The following PRKAR1B variants were observed in gnomAD, a reference collection of about 807,000 sequenced individuals.
PRKAR1B encodes protein kinase cAMP-dependent type I regulatory subunit beta, also known as cAMP-dependent protein kinase type I-beta regulatory subunit.
A neutral mutation model predicts 46.5 loss-of-function variants in PRKAR1B; 22 were observed. The ratio of observed to expected loss-of-function variants is 0.47; its 90% confidence interval spans 0.34 to 0.68. The LOEUF (loss-of-function observed/expected upper bound fraction) is 0.68. Among genes scored for constraint, PRKAR1B ranks in the 30% least tolerant of loss-of-function variants. PRKAR1B has a pLI of 0.01. For synonymous variants in PRKAR1B, 259 were observed against 217.7 expected (o/e 1.19, Z -1.67); for missense variants, 445 against 535.6 (o/e 0.83, Z 1.67).
At chr7:645,399 C>G (rs1784573274) in intron 4 of PRKAR1B, among the ~76,000 whole-genome samples, 4 of 152,154 alleles carry the variant, frequency 2.6e-5, no homozygotes, top group Admixed American at 2.6e-4. Flanking sequence ...GCCTGTAATC[C>G]CAGCACTTTG....
chr7:640,297 C>A (rs1268448685), intron 4 of PRKAR1B, among the ~76,000 whole-genome samples: 7 of 152,052 alleles, frequency 4.6e-5, no homozygotes, highest in Non-Finnish European at 7.4e-5. Context: ...TGGTAAAGGA[C>A]TTGTATCCAG....
intron 4 of PRKAR1B, among the ~76,000 whole-genome samples, chr7:651,593 G>A (rs1360507423): frequency 6.6e-6 from 1 of 152,162 alleles, no homozygotes; most frequent in African/African-American, 2.4e-5. Flanking sequence ...CACAGTGCTA[G>A]GAACCTGGGA....
rs763122625 is a variant in PRKAR1B, at chr7:584,538, C to G, written c.739G>C (p.Glu247Gln). The change falls in exon 8 of 11, where the codon GAG (glutamate) becomes CAG (glutamine). Residue 247 changes from glutamate to glutamine, a missense_variant. Glu to Gln is a conservative substitution (Grantham distance 29). Coordinates refer to ENST00000537384, the MANE Select transcript of PRKAR1B (RefSeq NM_001164760.2). The stretch of plus-strand genomic sequence containing the variant: ...ATGGAGACCTTGCTGAGGAACTCCT[C>G]GTACATCTTGCGTTTCCTCAGCGTG... ...GSTLRKRKMY[E>Q]EFLSKVSILE... is the part of the protein sequence containing the mutation. 6.2e-5 allele frequency: 100 copies of G among 1,613,772 alleles called. No individual in the cohort carries two copies. The highest frequency in any genetic ancestry group is 8.3e-5 in the Non-Finnish European group (98 of 1,179,984).
At chr7:645,429 T>C (rs1037691060) in intron 4 of PRKAR1B, among the ~76,000 whole-genome samples, 3 of 152,118 alleles carry the variant, frequency 2.0e-5, no homozygotes, top group African/African-American at 4.8e-5. Flanking sequence ...GGCAGGAGGA[T>C]TGCTTGAGCC....
At chr7:648,960 T>G (rs925529244) in intron 4 of PRKAR1B, among the ~76,000 whole-genome samples, 8 of 152,098 alleles carry the variant, frequency 5.3e-5, no homozygotes, top group African/African-American at 1.9e-4. Context: ...GGTCAGGGGT[T>G]CAAGGCCAGC....
intron 4 of PRKAR1B, among the ~76,000 whole-genome samples, chr7:651,721 G>C (rs1278791291): frequency 9.7e-4 from 121 of 124,596 alleles, no homozygotes; most frequent in Non-Finnish European, 1.6e-3. Context: ...CCTCTCGGAA[G>C]ACAGTTCACA....
chr7:726,235 C>T (rs986435438), intron 1 of PRKAR1B, among the ~76,000 whole-genome samples: 1 of 152,240 alleles, frequency 6.6e-6, no homozygotes, highest in East Asian at 1.9e-4. Flanking sequence ...GAAGCCCAGA[C>T]CAGGCACCTG....
At chr7:577,040 C>T (rs559746857) in intron 9 of PRKAR1B, among the ~76,000 whole-genome samples, 100 of 136,666 alleles carry the variant, frequency 7.3e-4, no homozygotes, top group Middle Eastern at 4.0e-3. Flanking sequence ...ATCAGCGGCC[C>T]CGTCCAACTC....
chr7:718,295 C>CACACAT (rs1178802508), intron 1 of PRKAR1B, among the ~76,000 whole-genome samples: 12 of 135,698 alleles, frequency 8.8e-5, no homozygotes, highest in African/African-American at 3.0e-4. Flanking sequence ...CACACACACA[C>CACACAT]ATACACATAT....
At chr7:580,312 G>C (rs1780099789) in intron 8 of PRKAR1B, among the ~76,000 whole-genome samples, 1 of 151,830 alleles carries the variant, frequency 6.6e-6, no homozygotes, top group South Asian at 2.1e-4. Context: ...CCAGCACTTT[G>C]GGAGGCTGAG....
intron 2 of PRKAR1B, among the ~76,000 whole-genome samples, chr7:696,131 C>T (rs1379600471): frequency 1.3e-5 from 2 of 150,780 alleles, no homozygotes; most frequent in East Asian, 3.9e-4. Context: ...CACCAGTATG[C>T]CTGGCTAAAT....
At chr7:567,412 TCATCATCAC>T (rs963521198) in intron 9 of PRKAR1B, among the ~76,000 whole-genome samples, 10 of 142,658 alleles carry the variant, frequency 7.0e-5, no homozygotes, top group South Asian at 4.6e-4. Context: ...ATCACCTCCA[TCATCATCAC>T]CATCATCACC....
At chr7:688,232 C>T (rs1161777661) in intron 2 of PRKAR1B, among the ~76,000 whole-genome samples, 1 of 151,840 alleles carries the variant, frequency 6.6e-6, no homozygotes, top group Non-Finnish European at 1.5e-5. Context: ...AAAACCCCAT[C>T]TCTACTAGAA....
chr7:561,676 C>T (rs367743778), intron 9 of PRKAR1B, among the ~76,000 whole-genome samples: 6 of 152,370 alleles, frequency 3.9e-5, no homozygotes, highest in East Asian at 1.9e-4. Flanking sequence ...AAACTGTCCT[C>T]GGGACGACAG....
rs1225445629 is a variant in PRKAR1B, at chr7:580,761, A to C, written c.770-1384T>G. On this transcript the variant is annotated intron_variant, in intron 8 of 10. Coordinates refer to ENST00000537384, the MANE Select transcript of PRKAR1B (RefSeq NM_001164760.2). The stretch of plus-strand genomic sequence containing the variant: ...TTTTTTGACAAAAAAAAAAAAAAAA[A>C]AACAAACGTTTCCTGGCCTATACAA... 3.6e-4 allele frequency among the ~76,000 whole-genome samples: 54 copies of C among 148,644 alleles called. No individual in the cohort carries two copies. In the East Asian group the frequency reaches 9.4e-3, roughly 26 times the overall value.
At chr7:636,784 T>G (rs1003176977) in intron 4 of PRKAR1B, among the ~76,000 whole-genome samples, 43 of 152,228 alleles carry the variant, frequency 2.8e-4, no homozygotes, top group Admixed American at 1.2e-3. Context: ...TCTCTGCACC[T>G]GCACGCCCCT....
In PRKAR1B at chr7:549,249, G is replaced by C. The variant is rs1031789210; in HGVS notation, c.*1181C>G. On this transcript the variant is annotated 3_prime_UTR_variant, in exon 11 of 11. Transcript: ENST00000537384. ...TGCAGTATTCAGAGCAGAGATAAGG[G>C]GGGGGATGGCTCACAGGTCCACAGG... The C allele has an allele frequency of 1.3e-5, 2 of 152,312 alleles. No homozygotes were observed. Among genetic ancestry groups the C allele is most frequent in the African/African-American group, 2.4e-5 (1 of 41,474 alleles). The allele number at this position is 152,312 out of a possible 1,614,324, so 9.4% of individuals were successfully genotyped here. A position where few individuals can be genotyped will look rare whatever the true frequency, so the allele number is the denominator to read the frequency against.
chr7:572,467 C>T (rs889793093), intron 9 of PRKAR1B, among the ~76,000 whole-genome samples: 1 of 152,166 alleles, frequency 6.6e-6, no homozygotes, highest in African/African-American at 2.4e-5. Flanking sequence ...CAGCCTGGCC[C>T]TGCCTTCCCA....
At position 579,238 on chromosome 7, in the gene PRKAR1B, G is replaced by A. The variant is rs77767056; in HGVS notation, c.891+18C>T. Reference sequence around the variant, plus strand: ...CCCAGTGCACACCCAGAGCGCCCACGTGGGAAGCACGTCTCACCTCCGTGA... The same window carrying A: ...CCCAGTGCACACCCAGAGCGCCCACATGGGAAGCACGTCTCACCTCCGTGA... On this transcript the variant is annotated intron_variant, in intron 9 of 10. Transcript: ENST00000537384. 467 of 1,613,856 alleles carry A rather than the reference G, an allele frequency of 2.9e-4. No individual in the cohort carries two copies. The highest frequency in any genetic ancestry group is 2.5e-3 in the Middle Eastern group (15 of 6,084).
Sources: gnomAD v4.1 joint callset for allele counts (sites outside exome capture counted in the v4.1 genomes callset) on GRCh38, gnomAD v4.1.1 for gene constraint, MANE v1.5 for transcripts, NCBI Gene and HGNC (gene_info 2026-07-23, HGNC 2026-07-21) for gene names.